Variants in CIMIP2A observed in about 807,000 individuals in gnomAD.
CIMIP2A encodes family with sequence similarity 166 member A.
chr9:137,246,162 C>T, the CIMIP2A span, among the ~76,000 whole-genome samples: 1 of 152,378 alleles, frequency 6.6e-6, no homozygotes, highest in African/African-American at 2.4e-5. Flanking sequence ...GCCAGCAAAT[C>T]AGGGGTGCTC....
At chr9:137,244,929 C>T in the CIMIP2A span, 12 of 1,599,276 alleles carry the variant, frequency 7.5e-6, no homozygotes, top group African/African-American at 1.3e-4. Context: ...AGCTGGGCTC[C>T]TGGAAGCAGC....
the CIMIP2A span, chr9:137,252,500 A>G: frequency 7.3e-4 from 1,181 of 1,607,524 alleles, 8 homozygotes; most frequent in African/African-American, 0.013. Flanking sequence ...TTCACGCAGA[A>G]AGCTGACTTC....
the CIMIP2A span, chr9:137,253,583 T>C: frequency 1.7e-6 from 2 of 1,143,768 alleles, no homozygotes; most frequent in Non-Finnish European, 2.3e-6. Context: ...GGGGTCTCCA[T>C]TCAGCTGCCC....
At chr9:137,247,282 T>C in the CIMIP2A span, among the ~76,000 whole-genome samples, 1 of 152,250 alleles carries the variant, frequency 6.6e-6, no homozygotes, top group African/African-American at 2.4e-5. Context: ...CGAAACTCTG[T>C]CTCAAAAAAT....
At chr9:137,250,841 A>T in the CIMIP2A span, 1 of 177,648 alleles carries the variant, frequency 5.6e-6, no homozygotes. Context: ...CTCTTCCTCC[A>T]GGGAGCCTTC....
At chr9:137,247,156 A>C in the CIMIP2A span, among the ~76,000 whole-genome samples, 1 of 152,138 alleles carries the variant, frequency 6.6e-6, no homozygotes, top group Non-Finnish European at 1.5e-5. Flanking sequence ...GTGGTGGCAG[A>C]TGCCTGTAAT....
the CIMIP2A span, chr9:137,253,451 C>G: frequency 7.0e-7 from 1 of 1,437,164 alleles, no homozygotes; most frequent in East Asian, 2.5e-5. Flanking sequence ...TGCCCATCTC[C>G]CCGCTACACT....
At chr9:137,251,425 G>T in the CIMIP2A span, 1 of 1,540,718 alleles carries the variant, frequency 6.5e-7, no homozygotes, top group Non-Finnish European at 8.9e-7. Flanking sequence ...GAGAAGGGGC[G>T]GGCCAGCTGG....
chr9:137,249,184 G>A, the CIMIP2A span, among the ~76,000 whole-genome samples: 3 of 152,122 alleles, frequency 2.0e-5, no homozygotes, highest in Non-Finnish European at 4.4e-5. Flanking sequence ...AAAAAAGACC[G>A]CAGTCCGTAA....
chr9:137,243,685 A>G, the CIMIP2A span: 3 of 1,614,062 alleles, frequency 1.9e-6, no homozygotes, highest in African/African-American at 1.3e-5. Context: ...TACAGACACC[A>G]CCATTAAAGC....
the CIMIP2A span, chr9:137,252,784 T>A: frequency 6.4e-7 from 1 of 1,562,484 alleles, no homozygotes; most frequent in Non-Finnish European, 8.7e-7. Context: ...TGCCTGGGGC[T>A]AGGGGGCTGG....
the CIMIP2A span, among the ~76,000 whole-genome samples, chr9:137,254,446 C>T: frequency 6.6e-6 from 1 of 152,222 alleles, no homozygotes. Flanking sequence ...CTGGTGAGAC[C>T]CAAAGCTAGG....
At chr9:137,246,338 G>A in the CIMIP2A span, among the ~76,000 whole-genome samples, 2 of 152,242 alleles carry the variant, frequency 1.3e-5, no homozygotes, top group Non-Finnish European at 2.9e-5. Context: ...AGAGAACTGG[G>A]AGGCAGGTGG....
chr9:137,250,886 G>T, the CIMIP2A span: 1 of 211,060 alleles, frequency 4.7e-6, no homozygotes, highest in Non-Finnish European at 9.7e-6. Flanking sequence ...GGGGGTCCTG[G>T]CTGGCCAGAC....
At chr9:137,251,822 A>C in the CIMIP2A span, 1 of 1,604,800 alleles carries the variant, frequency 6.2e-7, no homozygotes, top group South Asian at 1.1e-5. Flanking sequence ...AGGAGATCCC[A>C]GTTGGCCTCA....
chr9:137,252,134 A>AG, the CIMIP2A span: 1 of 1,608,008 alleles, frequency 6.2e-7, no homozygotes, highest in Non-Finnish European at 8.5e-7. Context: ...ACCAGGGCCG[A>AG]GGTGTGTGTC....
At chr9:137,245,766 C>T in the CIMIP2A span, 4 of 1,563,974 alleles carry the variant, frequency 2.6e-6, no homozygotes, top group Non-Finnish European at 3.5e-6. Flanking sequence ...GGCTCTTCTG[C>T]ACACTGGGGT....
chr9:137,244,087 C>G, the CIMIP2A span: 2 of 1,369,374 alleles, frequency 1.5e-6, no homozygotes, highest in Non-Finnish European at 2.1e-6. Context: ...TGGTCCTGAA[C>G]CAGCAATGAA....
chr9:137,244,480 G>A, the CIMIP2A span: 3 of 1,495,174 alleles, frequency 2.0e-6, no homozygotes, highest in African/African-American at 1.4e-5. Flanking sequence ...CAGGAGAGAG[G>A]GGTTGGGGCG....
Sources: gnomAD v4.1 joint callset for allele counts (sites outside exome capture counted in the v4.1 genomes callset) on GRCh38, gnomAD v4.1.1 for gene constraint, MANE v1.5 for transcripts, NCBI Gene and HGNC (gene_info 2026-07-23, HGNC 2026-07-21) for gene names.